The following EYS variants were observed in gnomAD, a reference collection of about 807,000 sequenced individuals.
The protein encoded by EYS is protein eyes shut homolog.
In EYS, 250 loss-of-function variants were observed where a neutral mutation model predicts 282.1. The ratio of observed to expected loss-of-function variants is 0.89; its 90% confidence interval spans 0.80 to 0.98. The LOEUF (loss-of-function observed/expected upper bound fraction) is 0.98. Ranked by LOEUF, EYS falls within the 50% of genes least tolerant of loss-of-function variation. The pLI is 0.00. For missense variants in EYS, 4,016 were observed against 3,709.0 expected (o/e 1.08, Z -2.15); for synonymous variants, 1,355 against 1,282.9 (o/e 1.06, Z -1.20).
chr6:65,463,016 C>T lies in EYS; in HGVS notation c.862+27578G>A, dbSNP rs79609577. Reference sequence around the variant, plus strand: ...TGGAGAAGACATTTAACTGGCTTTCCTGCTTCTATTCCTGCCCTCATCTCT... The same window carrying T: ...TGGAGAAGACATTTAACTGGCTTTCTTGCTTCTATTCCTGCCCTCATCTCT... On this transcript the variant is annotated intron_variant, in intron 5 of 42. Transcript: ENST00000503581. Among the ~76,000 whole-genome samples the T allele has an allele frequency of 8.4e-3, 1,280 of 152,064 alleles. 17 individuals are homozygous for T. The highest frequency in any genetic ancestry group is 0.029 in the African/African-American group (1,202 of 41,484).
intron 29 of EYS, among the ~76,000 whole-genome samples, chr6:64,319,693 G>GGATA (rs1251378150): frequency 1.0e-5 from 1 of 97,928 alleles, no homozygotes; most frequent in African/African-American, 3.9e-5. Flanking sequence ...AATCTCAGAT[G>GGATA]GATGGATGGA....
intron 2 of EYS, among the ~76,000 whole-genome samples, chr6:65,540,697 T>C (rs9445556): frequency 0.017 from 2,553 of 152,180 alleles, 73 homozygotes; most frequent in African/African-American, 0.058. Context: ...GGCGGGCAGA[T>C]TACCTGAGGT....
chr6:65,553,738 C>T (rs896543609), intron 2 of EYS, among the ~76,000 whole-genome samples: 7 of 151,880 alleles, frequency 4.6e-5, no homozygotes, highest in African/African-American at 1.5e-4. Flanking sequence ...TTAATTTTTG[C>T]CAACGTATTA....
chr6:65,317,892 G>T, intron 11 of EYS, among the ~76,000 whole-genome samples: 1 of 115,352 alleles, frequency 8.7e-6, no homozygotes, highest in African/African-American at 3.4e-5. Context: ...CTTTCAGACA[G>T]AGTCTCCCTC....
intron 8 of EYS, among the ~76,000 whole-genome samples, chr6:65,365,479 G>A (rs980630728): frequency 6.6e-6 from 1 of 151,220 alleles, no homozygotes; most frequent in African/African-American, 2.4e-5. Context: ...GTAATAGGTG[G>A]ACACTATTTT....
chr6:64,845,145 G>A (rs951381645), intron 19 of EYS, among the ~76,000 whole-genome samples: 1 of 151,994 alleles, frequency 6.6e-6, no homozygotes, highest in African/African-American at 2.4e-5. Context: ...TTAAAAATTA[G>A]ACGATTATGG....
intron 31 of EYS, among the ~76,000 whole-genome samples, chr6:64,164,423 C>T (rs533123982): frequency 8.5e-5 from 13 of 152,190 alleles, no homozygotes; most frequent in Non-Finnish European, 1.5e-4. Flanking sequence ...TGAAAAAGAA[C>T]ACTTTATTGT....
At chr6:64,620,384 T>G (rs1428463985) in intron 23 of EYS, among the ~76,000 whole-genome samples, 2 of 152,126 alleles carry the variant, frequency 1.3e-5, no homozygotes, top group East Asian at 3.8e-4. Flanking sequence ...CATGACTTTT[T>G]TTTACCAGAA....
At chr6:65,241,817 T>C (rs905226126) in intron 12 of EYS, among the ~76,000 whole-genome samples, 18 of 152,094 alleles carry the variant, frequency 1.2e-4, no homozygotes, top group Non-Finnish European at 1.9e-4. Context: ...GCTTGTACTT[T>C]AGGGATTGTC....
chr6:63,727,301 G>A (rs971394598), intron 41 of EYS, among the ~76,000 whole-genome samples: 2 of 151,864 alleles, frequency 1.3e-5, no homozygotes, highest in African/African-American at 2.4e-5. Context: ...CTTAGAGTGC[G>A]CCCTGGTTCA....
At chr6:65,623,309 A>T (rs989115945) in intron 2 of EYS, among the ~76,000 whole-genome samples, 7 of 152,168 alleles carry the variant, frequency 4.6e-5, no homozygotes, top group Admixed American at 3.9e-4. Context: ...CATGAAAAAC[A>T]TTTTGCATAT....
At chr6:64,022,445 C>A (rs78852640) in intron 33 of EYS, among the ~76,000 whole-genome samples, 1,574 of 152,188 alleles carry the variant, frequency 0.01, 20 homozygotes, top group East Asian at 0.035. Flanking sequence ...TTATTGTGTA[C>A]AATTCATTGG....
intron 12 of EYS, among the ~76,000 whole-genome samples, chr6:65,099,720 T>C (rs2150182610): frequency 6.6e-6 from 1 of 150,858 alleles, no homozygotes; most frequent in East Asian, 1.9e-4. Flanking sequence ...GGGCATGAAA[T>C]AGAGTATACT....
At chr6:64,511,826 G>GT (rs34038712) in intron 26 of EYS, among the ~76,000 whole-genome samples, 45,482 of 151,392 alleles carry the variant, frequency 0.3, 6,867 homozygotes, top group East Asian at 0.46. Context: ...TTTGGGGGGG[G>GT]GTGTTAAAAT....
At chr6:63,919,886 C>T (rs371264500) in intron 35 of EYS, among the ~76,000 whole-genome samples, 2 of 152,306 alleles carry the variant, frequency 1.3e-5, no homozygotes, top group East Asian at 1.9e-4. Flanking sequence ...TGCCACATTC[C>T]CATGAAACAT....
intron 31 of EYS, among the ~76,000 whole-genome samples, chr6:64,098,295 A>T (rs1772703433): frequency 6.6e-6 from 1 of 152,218 alleles, no homozygotes; most frequent in African/African-American, 2.4e-5. Context: ...GAATTATGAT[A>T]CAGGTATAGA....
chr6:64,827,346 C>T (rs1765090606), intron 19 of EYS, among the ~76,000 whole-genome samples: 1 of 151,742 alleles, frequency 6.6e-6, no homozygotes. Flanking sequence ...TATCATTTAT[C>T]AGAGTCTCTT....
intron 33 of EYS, among the ~76,000 whole-genome samples, chr6:64,007,578 G>T (rs1230958461): frequency 6.6e-6 from 1 of 151,870 alleles, no homozygotes; most frequent in Non-Finnish European, 1.5e-5. Flanking sequence ...TCTAGATGTG[G>T]TGTTAAGTTG....
At chr6:64,025,583 C>A (rs1343146352) in intron 33 of EYS, among the ~76,000 whole-genome samples, 1 of 152,174 alleles carries the variant, frequency 6.6e-6, no homozygotes, top group African/African-American at 2.4e-5. Context: ...GACTCTGTTA[C>A]CTTCTTTAGG....
Sources: allele counts gnomAD v4.1 joint callset (sites outside exome capture counted in the v4.1 genomes callset), GRCh38; gene constraint gnomAD v4.1.1; transcripts MANE v1.5; gene names NCBI Gene and HGNC (gene_info 2026-07-23, HGNC 2026-07-21).